Variants in EHBP1 observed in about 807,000 individuals in gnomAD.
The protein encoded by EHBP1 is EH domain-binding protein 1.
EHBP1 carries 55 observed loss-of-function variants against 144.0 expected under a neutral mutation model. The ratio of observed to expected loss-of-function variants is 0.38; its 90% CI spans 0.31 to 0.48. The LOEUF (loss-of-function observed/expected upper bound fraction) is 0.48. Ranked by LOEUF, EHBP1 falls within the 20% of genes least tolerant of loss-of-function variation. The pLI is 0.98. For missense variants in EHBP1, 1,200 were observed against 1,364.2 expected, an observed-to-expected ratio of 0.88 and a Z score of 1.90; for synonymous variants, 469 against 472.7, an observed-to-expected ratio of 0.99 and a Z score of 0.10.
intron 10 of EHBP1, among the ~76,000 whole-genome samples, chr2:62,938,196 A>G (rs544836063): frequency 6.6e-6 from 1 of 152,368 alleles, no homozygotes; most frequent in South Asian, 2.1e-4. Context: ...TTGAGTTTGA[A>G]TTTTGTATGA....
At chr2:62,979,457 T>TA in intron 15 of EHBP1, 122 bp downstream of exon 15, 1 of 1,046,610 alleles carries the variant, frequency 9.6e-7, no homozygotes, top group Non-Finnish European at 1.3e-6. Context: ...AACCTATTGA[T>TA]ATGTTGCAAA....
chr2:62,839,546 C>G (rs1402750517), intron 7 of EHBP1, among the ~76,000 whole-genome samples: 28 of 149,896 alleles, frequency 1.9e-4, no homozygotes, highest in Admixed American at 1.9e-3. Flanking sequence ...AAGAGGAAGT[C>G]AAATTGTCCC....
chr2:63,021,234 C>G (rs2060734696), intron 19 of EHBP1, among the ~76,000 whole-genome samples: 2 of 152,062 alleles, frequency 1.3e-5, no homozygotes, highest in African/African-American at 4.8e-5. Context: ...CTCCGTCTCT[C>G]CCTCTGTCTC....
At chr2:62,938,808 A>G (rs1002776414) in intron 10 of EHBP1, among the ~76,000 whole-genome samples, 5 of 112,832 alleles carry the variant, frequency 4.4e-5, no homozygotes, top group Admixed American at 1.0e-4. Context: ...TTGTGGGGGA[A>G]AAAAAAAAGA....
intron 19 of EHBP1, 98 bp from the exon 20 acceptor site, chr2:63,037,437 A>G (rs2061485630): frequency 1.3e-6 from 1 of 753,654 alleles, no homozygotes; most frequent in African/African-American, 1.8e-5. Flanking sequence ...GTATTAGAAT[A>G]AGTAAAATGT....
At chr2:62,865,105 A>G in intron 9 of EHBP1, 134 bp downstream of exon 9, 1 of 998,368 alleles carries the variant, frequency 1.0e-6, no homozygotes, top group Non-Finnish European at 1.5e-6. Context: ...CTCGTCCACT[A>G]TCTGAGTGTT....
intron 14 of EHBP1, among the ~76,000 whole-genome samples, chr2:62,956,864 G>C (rs576060142): frequency 2.6e-4 from 40 of 152,140 alleles, no homozygotes; most frequent in Non-Finnish European, 5.4e-4. Context: ...CAGACTGTCA[G>C]TTGGAACACC....
rs972556984 is a variant in EHBP1 at position 62,986,984 on chromosome 2, T to A, written c.2609-3732T>A. Among the ~76,000 whole-genome samples, 137 of 152,068 alleles carry A rather than the reference T, an allele frequency of 9.0e-4. 2 individuals carry two copies. The highest frequency in any genetic ancestry group is 3.2e-4 in the Non-Finnish European group (22 of 68,002). On this transcript the variant is annotated intron_variant, in intron 15 of 22. Transcript: ENST00000431489. ...CTCACTACTAATAAAAGTTGCCCAA[T>A]TGAAAAAAAATGAGTTGCAGGGTAG...
intron 7 of EHBP1, among the ~76,000 whole-genome samples, chr2:62,835,615 G>C (rs1200208060): frequency 6.6e-6 from 1 of 152,126 alleles, no homozygotes; most frequent in Non-Finnish European, 1.5e-5. Flanking sequence ...CAGACAGTGG[G>C]CGCAGGCCAG....
At chr2:63,027,501 A>C (rs2061030693) in intron 19 of EHBP1, among the ~76,000 whole-genome samples, 1 of 152,138 alleles carries the variant, frequency 6.6e-6, no homozygotes, top group Non-Finnish European at 1.5e-5. Flanking sequence ...ATTTGATTTC[A>C]AGGTGTTGTG....
At chr2:63,006,586 G>T (rs1268142896) in intron 19 of EHBP1, among the ~76,000 whole-genome samples, 1 of 151,826 alleles carries the variant, frequency 6.6e-6, no homozygotes, top group African/African-American at 2.4e-5. Flanking sequence ...TTATTCCAAA[G>T]AAAGTACAGA....
At chr2:62,882,704 GA>G (rs917786876) in intron 10 of EHBP1, among the ~76,000 whole-genome samples, 101 of 152,286 alleles carry the variant, frequency 6.6e-4, no homozygotes, top group Non-Finnish European at 1.2e-3. Context: ...CCAACATGGA[GA>G]AACCTCGTCT....
chr2:62,844,582 A>G lies in EHBP1; in HGVS notation c.634+13424A>G, dbSNP rs370494177. ...CTGGCAGTCACACAGTGCTTGAGCC[A>G]GTATTTGGCAGTATGATCATCTTTG... On this transcript the variant is annotated intron_variant, in intron 7 of 22. Transcript: ENST00000431489. 7.9e-5 allele frequency among the ~76,000 whole-genome samples: 12 copies of G among 152,308 alleles called. 1 individual carries two copies. In the South Asian group the frequency reaches 2.5e-3, roughly 32 times the overall value.
chr2:62,761,637 C>T (rs2040776760), intron 3 of EHBP1, among the ~76,000 whole-genome samples: 1 of 152,122 alleles, frequency 6.6e-6, no homozygotes, highest in Non-Finnish European at 1.5e-5. Flanking sequence ...TGCATCTGCA[C>T]TCATATACTG....
intron 2 of EHBP1, among the ~76,000 whole-genome samples, chr2:62,735,278 T>TG (rs2038014184): frequency 6.6e-6 from 1 of 152,144 alleles, no homozygotes; most frequent in South Asian, 2.1e-4. Flanking sequence ...CATTTTTTTT[T>TG]TTAACTTTTT....
At chr2:62,956,229 T>A (rs2057688565) in intron 14 of EHBP1, 2 of 152,168 alleles carry the variant, frequency 1.3e-5, no homozygotes, top group South Asian at 2.1e-4. Flanking sequence ...AACCACATTT[T>A]TATATATATT....
At chr2:62,975,887 TACACACACACACACACACACACAC>T (rs57375651) in intron 14 of EHBP1, among the ~76,000 whole-genome samples, 4 of 123,668 alleles carry the variant, frequency 3.2e-5, no homozygotes, top group African/African-American at 6.2e-5. Context: ...TTACTGTATG[TACACACACACACACACACACACAC>T]ACACACACAC....
At chr2:62,741,643 T>TA (rs2038718392) in intron 2 of EHBP1, among the ~76,000 whole-genome samples, 1 of 152,150 alleles carries the variant, frequency 6.6e-6, no homozygotes, top group Non-Finnish European at 1.5e-5. Flanking sequence ...TCAGAGAAAG[T>TA]AAGAGATATT....
chr2:62,802,811 G>A lies in EHBP1; in HGVS notation c.313-23276G>A, dbSNP rs1050228719. Among the ~76,000 whole-genome samples the A allele has an allele frequency of 1.2e-4, 17 of 141,664 alleles. No individual in the cohort carries two copies. In the East Asian group the frequency reaches 2.2e-3, roughly 19 times the overall value. 92.9% of individuals were successfully genotyped at this position (141,664 alleles called of 152,430 possible). The stretch of plus-strand genomic sequence containing the variant: ...GCAATCTCGGCTCACTGCAACCTCC[G>A]CCTCCAAGGTTCAAGAAATTCTCCT... On this transcript the variant is annotated intron_variant, in intron 5 of 22. Transcript: ENST00000431489.
Sources: gnomAD v4.1 joint callset for allele counts (sites outside exome capture counted in the v4.1 genomes callset) on GRCh38, gnomAD v4.1.1 for gene constraint, MANE v1.5 for transcripts, NCBI Gene and HGNC (gene_info 2026-07-23, HGNC 2026-07-21) for gene names.